The following HMGCLL1 variants were observed in gnomAD, a reference collection of about 807,000 sequenced individuals.
HMGCLL1 encodes 3-hydroxy-3-methylglutaryl-CoA lyase like 1, also known as 3-hydroxymethyl-3-methylglutaryl-CoA lyase, cytoplasmic.
HMGCLL1 carries 36 observed loss-of-function variants against 39.1 expected under a neutral mutation model. The observed-to-expected ratio is 0.92, with a 90% CI of 0.71 to 1.22. The LOEUF (loss-of-function observed/expected upper bound fraction) is 1.22, where lower values mean the gene tolerates loss of function less well. HMGCLL1 is among the 50% of genes most tolerant of loss of function. The pLI, the probability that HMGCLL1 is intolerant of heterozygous loss-of-function variation, is 0.00. For synonymous variants in HMGCLL1, 149 were observed against 144.0 expected (o/e 1.03, Z -0.25); for missense variants, 451 against 416.5 (o/e 1.08, Z -0.72).
chr6:55,613,064 T>A, the HMGCLL1 span, among the ~76,000 whole-genome samples: 1 of 152,016 alleles, frequency 6.6e-6, no homozygotes. Flanking sequence ...AACAAAGGTA[T>A]AACATCCAGA....
chr6:55,522,597 A>G (rs1768094290), intron 3 of HMGCLL1, among the ~76,000 whole-genome samples: 1 of 152,004 alleles, frequency 6.6e-6, no homozygotes, highest in African/African-American at 2.4e-5. Context: ...TCCCCGCTGC[A>G]CCGGCCCTGA....
At chr6:55,555,241 CT>C (rs1458061264) in intron 1 of HMGCLL1, among the ~76,000 whole-genome samples, 2 of 152,158 alleles carry the variant, frequency 1.3e-5, no homozygotes, top group Non-Finnish European at 2.9e-5. Context: ...GCATTTGCCC[CT>C]GTTGGACTGT....
chr6:55,441,157 T>G, intron 7 of HMGCLL1, among the ~76,000 whole-genome samples: 2 of 151,720 alleles, frequency 1.3e-5, no homozygotes, highest in Admixed American at 1.3e-4. Context: ...GGGGTGGGGG[T>G]CAGTGGATTA....
At position 55,552,152 on chromosome 6, in the gene HMGCLL1, A is replaced by C. The variant is rs566029280; in HGVS notation, c.109-10012T>G. 7.0e-4 allele frequency among the ~76,000 whole-genome samples: 107 copies of C among 152,122 alleles called. 2 individuals are homozygous for C. The highest frequency in any genetic ancestry group is 2.5e-3 in the African/African-American group (103 of 41,370). On this transcript the variant is annotated intron_variant, in intron 1 of 8. Coordinates refer to ENST00000274901, the MANE Select transcript of HMGCLL1 (RefSeq NM_001042406.2). ...AAACAAACACACACAAAAAAGATAA[A>C]TGATTGCTGAATACTCATTACAGAA...
chr6:55,618,024 G>GT, the HMGCLL1 span, among the ~76,000 whole-genome samples: 3 of 152,048 alleles, frequency 2.0e-5, no homozygotes, highest in African/African-American at 7.2e-5. Flanking sequence ...AATAATGCAT[G>GT]TAGTATGATT....
At chr6:55,519,024 G>T (rs138008915) in intron 3 of HMGCLL1, among the ~76,000 whole-genome samples, 1 of 152,260 alleles carries the variant, frequency 6.6e-6, no homozygotes, top group Non-Finnish European at 1.5e-5. Context: ...ATATTATTTG[G>T]CTAGAGAAGA....
chr6:55,471,272 T>C lies in HMGCLL1; in HGVS notation c.795+24147A>G, dbSNP rs1289608147. Among the ~76,000 whole-genome samples the C allele has an allele frequency of 2.0e-5, 3 of 151,844 alleles. No homozygotes were observed. The East Asian group carries it at 5.8e-4, about 29-fold the overall frequency. ...ACATAGCTGTCAATATTCCTTGTCTTGACTAGATGATTTTCATTTGTGTGA... is the reference window on the plus strand; with the variant it reads ...ACATAGCTGTCAATATTCCTTGTCTCGACTAGATGATTTTCATTTGTGTGA... On this transcript the variant is annotated intron_variant, in intron 7 of 8. Coordinates refer to ENST00000274901, the MANE Select transcript of HMGCLL1 (RefSeq NM_001042406.2).
intron 1 of HMGCLL1, chr6:55,566,544 G>A (rs938609827): frequency 3.8e-5 from 17 of 452,426 alleles, no homozygotes; most frequent in Middle Eastern, 3.3e-4. Context: ...ATCCTAAACC[G>A]GAGACCATAG....
chr6:55,452,387 T>C (rs1373925239), intron 7 of HMGCLL1, among the ~76,000 whole-genome samples: 2 of 152,096 alleles, frequency 1.3e-5, no homozygotes, highest in Non-Finnish European at 2.9e-5. Context: ...TGTGGACCAG[T>C]AACTTTTTCC....
chr6:55,663,986 T>G, the HMGCLL1 span, among the ~76,000 whole-genome samples: 2 of 151,916 alleles, frequency 1.3e-5, no homozygotes, highest in Non-Finnish European at 1.5e-5. Context: ...AAATTACAAC[T>G]GCAATCTCTG....
At chr6:55,461,791 T>C (rs553029684) in intron 7 of HMGCLL1, among the ~76,000 whole-genome samples, 4 of 152,252 alleles carry the variant, frequency 2.6e-5, no homozygotes, top group African/African-American at 4.8e-5. Context: ...GTACTCAAGA[T>C]AGTCAATAAA....
the HMGCLL1 span, among the ~76,000 whole-genome samples, chr6:55,660,641 A>T: frequency 6.6e-6 from 1 of 151,884 alleles, no homozygotes; most frequent in Admixed American, 6.6e-5. Flanking sequence ...GGTTGATTCC[A>T]TGTCTCTGCT....
chr6:55,653,563 A>G, the HMGCLL1 span, among the ~76,000 whole-genome samples: 1 of 152,094 alleles, frequency 6.6e-6, no homozygotes, highest in Non-Finnish European at 1.5e-5. Flanking sequence ...GATATCTAAA[A>G]TAGACAAAGT....
At chr6:55,473,504 T>C (rs1359181231) in intron 7 of HMGCLL1, among the ~76,000 whole-genome samples, 2 of 151,432 alleles carry the variant, frequency 1.3e-5, no homozygotes, top group Non-Finnish European at 3.0e-5. Flanking sequence ...CACCAGTACG[T>C]TGTAATAAAG....
chr6:55,652,172 AT>A, the HMGCLL1 span, among the ~76,000 whole-genome samples: 11 of 152,082 alleles, frequency 7.2e-5, no homozygotes, highest in South Asian at 4.2e-4. Flanking sequence ...TTATTCTGCC[AT>A]TTTACTCCAT....
At position 55,559,197 on chromosome 6, in the gene HMGCLL1, C is replaced by T. The variant is rs545901533; in HGVS notation, c.109-17057G>A. 2.5e-4 allele frequency among the ~76,000 whole-genome samples: 38 copies of T among 152,250 alleles called. 1 individual carries two copies. The highest frequency in any genetic ancestry group is 8.4e-4 in the African/African-American group (35 of 41,552). ...TCCCGCCAAAAAAAGTCCACGAAAA[C>T]GTTTTGCTCCCCTAAGTTTTAGTGT... On this transcript the variant is annotated intron_variant, in intron 1 of 8. Transcript: ENST00000274901.
chr6:55,576,972 T>C, intron 1 of HMGCLL1: 1 of 1,459,624 alleles, frequency 6.9e-7, no homozygotes. Flanking sequence ...AATGTAAGTC[T>C]AGAAAACACT....
chr6:55,577,050 G>C, intron 1 of HMGCLL1: 1 of 1,613,596 alleles, frequency 6.2e-7, no homozygotes, highest in Non-Finnish European at 8.5e-7. Context: ...GAAGAGTGTA[G>C]ATAGTGATGG....
Position 55,509,232 on chromosome 6 carries a change from A to G in HMGCLL1, c.542+4816T>C, listed in dbSNP as rs530061121. 1.8e-4 allele frequency among the ~76,000 whole-genome samples: 27 copies of G among 152,054 alleles called. No individual in the cohort carries two copies. In the South Asian group the frequency reaches 5.4e-3, roughly 30 times the overall value. The stretch of plus-strand genomic sequence containing the variant: ...GCCTCAGTTGAACAATAGAATTTGG[A>G]AAGGAACTTCTGTGGGCAGCTTCTT... On this transcript the variant is annotated intron_variant, in intron 5 of 8. Coordinates refer to ENST00000274901, the MANE Select transcript of HMGCLL1 (RefSeq NM_001042406.2).
Sources: gnomAD v4.1 joint callset for allele counts (sites outside exome capture counted in the v4.1 genomes callset) on GRCh38, gnomAD v4.1.1 for gene constraint, MANE v1.5 for transcripts, NCBI Gene and HGNC (gene_info 2026-07-23, HGNC 2026-07-21) for gene names.